The following BRINP1 variants were observed in gnomAD, a reference collection of about 807,000 sequenced individuals.
BRINP1 encodes the protein BMP/retinoic acid inducible neural specific 1.
BRINP1 carries 17 observed loss-of-function variants against 72.9 expected under a neutral mutation model. That is an observed-to-expected ratio of 0.23 (90% CI 0.16 to 0.35). The LOEUF (loss-of-function observed/expected upper bound fraction) is 0.35, where lower values mean the gene tolerates loss of function less well. Among genes scored for constraint, BRINP1 ranks in the 10% least tolerant of loss-of-function variants. The probability of loss-of-function intolerance (pLI) is 1.00; values close to 1 mark genes in which losing one functional copy is unlikely to be tolerated. For missense variants in BRINP1, 850 were observed against 1,001.6 expected, an observed-to-expected ratio of 0.85 and a Z score of 2.04; for synonymous variants, 418 against 378.5, an observed-to-expected ratio of 1.10 and a Z score of -1.21.
chr9:119,351,781 T>G (rs1041394369), intron 1 of BRINP1, among the ~76,000 whole-genome samples: 2 of 152,178 alleles, frequency 1.3e-5, no homozygotes, highest in Non-Finnish European at 2.9e-5. Context: ...CTATTCTGCT[T>G]CAAGTTTTCT....
At chr9:119,169,762 C>T (rs1455103282) in intron 7 of BRINP1, among the ~76,000 whole-genome samples, 1 of 152,210 alleles carries the variant, frequency 6.6e-6, no homozygotes, top group Non-Finnish European at 1.5e-5. Flanking sequence ...CAGTGGTTCT[C>T]CCAGCATGCA....
At chr9:119,344,042 G>C (rs1247360839) in intron 1 of BRINP1, among the ~76,000 whole-genome samples, 1 of 152,114 alleles carries the variant, frequency 6.6e-6, no homozygotes, top group Non-Finnish European at 1.5e-5. Flanking sequence ...CAGCATGTTG[G>C]GGAGATGGTA....
chr9:119,204,675 C>T (rs1829835170), intron 7 of BRINP1, among the ~76,000 whole-genome samples: 1 of 152,164 alleles, frequency 6.6e-6, no homozygotes. Context: ...TCTCTCCCTT[C>T]CTCCCTTCCT....
intron 1 of BRINP1, among the ~76,000 whole-genome samples, chr9:119,358,914 C>A (rs1256456509): frequency 2.0e-5 from 3 of 152,280 alleles, no homozygotes; most frequent in South Asian, 2.1e-4. Context: ...CACTGTTATC[C>A]CACTGCCACA....
rs573717806 is a variant in BRINP1 at position 119,215,849 on chromosome 9, A to G, written c.686-1694T>C. Among the ~76,000 whole-genome samples the G allele has an allele frequency of 7.9e-5, 12 of 151,844 alleles. No homozygotes were observed. In the South Asian group the frequency reaches 2.5e-3, roughly 32 times the overall value. ...GCATGCTGTAGTCAGAAACCTGGGCATGGCTGCACTGCACGGTGTGGTCAA... is the reference window on the plus strand; with the variant it reads ...GCATGCTGTAGTCAGAAACCTGGGCGTGGCTGCACTGCACGGTGTGGTCAA... On this transcript the variant is annotated intron_variant, in intron 5 of 7. Transcript: ENST00000265922.
intron 7 of BRINP1, among the ~76,000 whole-genome samples, chr9:119,184,554 C>CAAATT (rs1431480421): frequency 6.6e-6 from 1 of 152,118 alleles, no homozygotes; most frequent in Non-Finnish European, 1.5e-5. Flanking sequence ...CTTGGTTGCT[C>CAAATT]AAATTATACC....
intron 1 of BRINP1, among the ~76,000 whole-genome samples, chr9:119,337,406 G>A (rs1451815835): frequency 6.6e-6 from 1 of 152,156 alleles, no homozygotes; most frequent in East Asian, 1.9e-4. Flanking sequence ...CTTGTTTCAG[G>A]ATAAGCCAGG....
At chr9:119,258,317 T>C (rs1830465247) in intron 2 of BRINP1, among the ~76,000 whole-genome samples, 1 of 152,166 alleles carries the variant, frequency 6.6e-6, no homozygotes, top group African/African-American at 2.4e-5. Context: ...ACAAGCACAC[T>C]TGGAATGGCC....
In BRINP1 at chr9:119,167,381, C is replaced by A; in HGVS notation, c.1989G>T (p.Arg663Ser). ...CACTGCGCAGGAGGTCGGCGTTGAA[C>A]CTCAGGCTATACCCAAACACCTGCA... ...SDVQVFGYSL[R>S]FNADLLRSAV... The change falls in exon 8 of 8, where the codon AGG (arginine) becomes AGT (serine). Residue 663 changes from arginine (R) to serine (S), a missense_variant. Transcript: ENST00000265922. The surrounding 1 kb of genome is among the most constrained non-coding windows in gnomAD (Gnocchi z 4.3). The A allele has an allele frequency of 6.2e-7, 1 of 1,614,088 alleles. No homozygotes were observed. Among genetic ancestry groups the A allele is most frequent in the Non-Finnish European group, 8.5e-7 (1 of 1,180,016 alleles).
At chr9:119,286,130 A>G (rs540965335) in intron 2 of BRINP1, among the ~76,000 whole-genome samples, 3 of 152,226 alleles carry the variant, frequency 2.0e-5, no homozygotes, top group Admixed American at 6.5e-5. Context: ...GTCTCCACCA[A>G]TCTTTGTCAT....
chr9:119,277,001 T>C (rs1316722790), intron 2 of BRINP1, among the ~76,000 whole-genome samples: 1 of 152,158 alleles, frequency 6.6e-6, no homozygotes, highest in African/African-American at 2.4e-5. Flanking sequence ...TGGAAACCAC[T>C]ATTCTGCCGT....
chr9:119,332,312 A>C (rs1227149071), intron 1 of BRINP1, among the ~76,000 whole-genome samples: 1 of 152,212 alleles, frequency 6.6e-6, no homozygotes, highest in Non-Finnish European at 1.5e-5. Context: ...GTAAACACTT[A>C]CTGTATGACA....
At chr9:119,192,988 A>G (rs1280498736) in intron 7 of BRINP1, among the ~76,000 whole-genome samples, 4 of 152,150 alleles carry the variant, frequency 2.6e-5, no homozygotes. Flanking sequence ...TAGTATTTGC[A>G]TAACCTACAC....
chr9:119,302,364 C>T (rs1299339214), intron 2 of BRINP1, among the ~76,000 whole-genome samples: 1 of 151,646 alleles, frequency 6.6e-6, no homozygotes, highest in African/African-American at 2.4e-5. Context: ...GAAAATATTG[C>T]CTTTTGTTTA....
chr9:119,354,855 T>C (rs905372081), intron 1 of BRINP1, among the ~76,000 whole-genome samples: 97 of 152,148 alleles, frequency 6.4e-4, no homozygotes, highest in African/African-American at 2.3e-3. Context: ...GGCAACAGAG[T>C]GAGACCCTGT....
intron 2 of BRINP1, among the ~76,000 whole-genome samples, chr9:119,279,419 C>T (rs2118960522): frequency 6.6e-6 from 1 of 152,336 alleles, no homozygotes; most frequent in South Asian, 2.1e-4. Flanking sequence ...TCCACCATCT[C>T]CCTGATGCAT....
intron 2 of BRINP1, among the ~76,000 whole-genome samples, chr9:119,253,568 T>TA (rs1164978233): frequency 6.6e-6 from 1 of 151,914 alleles, no homozygotes; most frequent in Admixed American, 6.6e-5. Flanking sequence ...CTCGTGAAGA[T>TA]AGAGAGTGAA....
At position 119,242,087 on chromosome 9, in the gene BRINP1, C is replaced by G; in HGVS notation, c.539G>C (p.Arg180Thr). Residue 180 changes from arginine (R) to threonine (T), a missense_variant, in exon 4 of 8, where the codon AGG (arginine) becomes ACG (threonine). Coordinates refer to ENST00000265922, the MANE Select transcript of BRINP1 (RefSeq NM_014618.3). ...SYFVDRDGTM[R>T]RLHEIQISTG... ...TGATATCTGGATCTCATGAAGCCTCCTCATGGTACCATCACGGTCAACAAA... is the reference window on the plus strand; with the variant it reads ...TGATATCTGGATCTCATGAAGCCTCGTCATGGTACCATCACGGTCAACAAA... 6.2e-7 allele frequency: 1 copy of G among 1,614,112 alleles called. No individual in the cohort carries two copies. The highest frequency in any genetic ancestry group is 8.5e-7 in the Non-Finnish European group (1 of 1,180,022).
intron 7 of BRINP1, among the ~76,000 whole-genome samples, chr9:119,206,406 C>T (rs1001969214): frequency 1.3e-4 from 15 of 118,906 alleles, no homozygotes; most frequent in African/African-American, 4.0e-4. Flanking sequence ...GGCAACAAAG[C>T]GAGACTCCAT....
Sources: allele counts gnomAD v4.1 joint callset (sites outside exome capture counted in the v4.1 genomes callset), GRCh38; gene constraint gnomAD v4.1.1; non-coding constraint Gnocchi (gnomAD v3.1); transcripts MANE v1.5; gene names NCBI Gene and HGNC (gene_info 2026-07-23, HGNC 2026-07-21).